The following PTK7 variants were observed in gnomAD, a reference collection of about 807,000 sequenced individuals.
PTK7 encodes the protein protein tyrosine kinase 7 (inactive).
A neutral mutation model predicts 116.6 loss-of-function variants in PTK7; 39 were observed. The observed-to-expected ratio is 0.33, with a 90% CI of 0.26 to 0.44. The LOEUF is 0.44. Ranked by LOEUF, PTK7 falls within the 20% of genes least tolerant of loss-of-function variation. PTK7 has a pLI of 1.00. For synonymous variants in PTK7, 546 were observed against 563.6 expected, an observed-to-expected ratio of 0.97 and a Z score of 0.44; for missense variants, 1,169 against 1,425.6, an observed-to-expected ratio of 0.82 and a Z score of 2.90.
intron 1 of PTK7, among the ~76,000 whole-genome samples, chr6:43,092,038 T>C (rs936812004): frequency 3.3e-5 from 5 of 152,028 alleles, no homozygotes; most frequent in African/African-American, 4.8e-5. Context: ...AATTTTTGTA[T>C]TTTTAGTAGC....
At chr6:43,088,730 T>G (rs914492135) in intron 1 of PTK7, among the ~76,000 whole-genome samples, 2 of 151,084 alleles carry the variant, frequency 1.3e-5, no homozygotes, top group African/African-American at 2.4e-5. Context: ...AATAAATAAA[T>G]AAAGAGTTAT....
chr6:43,116,765 G>A (rs755243901), intron 1 of PTK7, among the ~76,000 whole-genome samples: 7 of 152,074 alleles, frequency 4.6e-5, no homozygotes, highest in Non-Finnish European at 7.4e-5. Context: ...GCTAGGGCTG[G>A]GTGCTGGGGC....
chr6:43,087,991 A>G (rs1032238066), intron 1 of PTK7, among the ~76,000 whole-genome samples: 5 of 152,208 alleles, frequency 3.3e-5, no homozygotes, highest in African/African-American at 1.2e-4. Context: ...GCCTAGCACT[A>G]CAGAGCTGGT....
At chr6:43,147,159 G>T (rs1423331714) in intron 17 of PTK7, among the ~76,000 whole-genome samples, 1 of 152,226 alleles carries the variant, frequency 6.6e-6, no homozygotes, top group Non-Finnish European at 1.5e-5. Context: ...GGGCTGCCTG[G>T]GTTTCCCCCT....
intron 15 of PTK7, chr6:43,144,854 T>TAA: frequency 7.1e-4 from 237 of 334,104 alleles, no homozygotes; most frequent in Middle Eastern, 8.2e-4. Flanking sequence ...ATTGACTCTT[T>TAA]AAAAAAAAAA....
intron 1 of PTK7, among the ~76,000 whole-genome samples, chr6:43,114,063 G>A (rs1303747800): frequency 2.0e-5 from 3 of 151,934 alleles, no homozygotes; most frequent in Non-Finnish European, 4.4e-5. Flanking sequence ...CGGGTGGTGG[G>A]AGGGGGTGGG....
At chr6:43,137,108 A>G (rs1770087747) in intron 7 of PTK7, among the ~76,000 whole-genome samples, 1 of 152,218 alleles carries the variant, frequency 6.6e-6, no homozygotes, top group Non-Finnish European at 1.5e-5. Context: ...TATCATTGCA[A>G]GCAGCCTACC....
chr6:43,076,891 G>C lies in PTK7; in HGVS notation c.79+324G>C. ...GCTGGCTCTCGGGCCCAGATGGGGA[G>C]TTTCTTGTCGGGGGAGAAAAGACCA... On this transcript the variant is annotated intron_variant, in intron 1 of 19. Transcript: ENST00000230419. The surrounding 1 kb of genome is among the most constrained non-coding windows in gnomAD (Gnocchi z 5.7). 6.0e-6 allele frequency: 9 copies of C among 1,507,240 alleles called. No homozygotes were observed. The highest frequency in any genetic ancestry group is 8.0e-6 in the Non-Finnish European group (9 of 1,126,736). 93.4% of individuals were successfully genotyped at this position (1,507,240 alleles called of 1,614,324 possible). A position where few individuals can be genotyped will look rare whatever the true frequency, so the allele number is the denominator to read the frequency against.
chr6:43,124,248 T>G (rs990484288), intron 1 of PTK7, among the ~76,000 whole-genome samples: 7 of 152,346 alleles, frequency 4.6e-5, no homozygotes, highest in African/African-American at 1.7e-4. Context: ...ACCGCCTGCC[T>G]TCTTCTCTGT....
intron 17 of PTK7, among the ~76,000 whole-genome samples, chr6:43,158,142 C>CA (rs1375986681): frequency 1.3e-5 from 2 of 151,558 alleles, no homozygotes; most frequent in African/African-American, 2.4e-5. Flanking sequence ...ACTAAAAATA[C>CA]AAAAAAATTA....
Position 43,145,383 on chromosome 6 carries a change from T to C in PTK7, c.2591T>C (p.Leu864Pro). 1 of 1,609,656 alleles carries C rather than the reference T, an allele frequency of 6.2e-7. No individual in the cohort carries two copies. The highest frequency in any genetic ancestry group is 8.5e-7 in the Non-Finnish European group (1 of 1,178,000). The change falls in exon 16 of 20, where the codon CTG becomes CCG. Residue 864 changes from leucine (L) to proline (P), a missense_variant. By Grantham distance (98) the Leu-to-Pro change is moderately conservative (BLOSUM62 -3). This residue lies in a region of PTK7 where 678 missense variants were observed against 853.8 expected (regional missense o/e 0.79). Coordinates refer to ENST00000230419, the MANE Select transcript of PTK7 (RefSeq NM_002821.5). The surrounding 1 kb of genome is among the most constrained non-coding windows in gnomAD (Gnocchi z 4.8). ...GCCAACGTGGTGCGGCTCCTGGGGC[T>C]GTGCCGGGAGGCTGAGCCCCACTAC... is the stretch of plus-strand genomic sequence containing the variant. Reference protein sequence around the residue: ...NHANVVRLLGLCREAEPHYMV... With the variant: ...NHANVVRLLGPCREAEPHYMV...
Position 43,132,006 on chromosome 6 carries a change from C to G in PTK7, c.813-10C>G. The G allele has an allele frequency of 1.2e-6, 2 of 1,613,876 alleles. No individual in the cohort carries two copies. Among genetic ancestry groups the G allele is most frequent in the Non-Finnish European group, 1.7e-6 (2 of 1,180,004 alleles). On this transcript the variant is annotated splice_polypyrimidine_tract_variant and intron_variant, in intron 5 of 19. Coordinates refer to ENST00000230419, the MANE Select transcript of PTK7 (RefSeq NM_002821.5). The stretch of plus-strand genomic sequence containing the variant: ...GCCACTTTCTCCAAATTGCACTCTC[C>G]CCTCTGCAGCCCCCCACACCTCCGC...
Position 43,132,176 on chromosome 6 carries a change from G to T in PTK7, c.961+12G>T, listed in dbSNP as rs1389533388. The T allele has an allele frequency of 3.8e-6, 6 of 1,598,532 alleles. No homozygotes were observed. In the East Asian group the frequency reaches 1.3e-4, roughly 36 times the overall value. On this transcript the variant is annotated intron_variant, in intron 6 of 19. Transcript: ENST00000230419. The stretch of plus-strand genomic sequence containing the variant: ...ACTTCACCTAGCAGGTGAGTCTCTG[G>T]GTCTGGGGTGCTGATGTGGGAGGCT...
intron 17 of PTK7, among the ~76,000 whole-genome samples, chr6:43,157,342 AT>A (rs1771506427): frequency 4.6e-4 from 2 of 4,310 alleles, no homozygotes; most frequent in African/African-American, 1.7e-3. Context: ...ATATATATAT[AT>A]ATATATATAT....
rs553945791 is a variant in PTK7, at chr6:43,129,927, G to A, written c.470+98G>A. On this transcript the variant is annotated intron_variant, in intron 3 of 19. Coordinates refer to ENST00000230419, the MANE Select transcript of PTK7 (RefSeq NM_002821.5). This position sits in a 1 kb window ranked among gnomAD's most constrained non-coding sequence, Gnocchi z 4.5. ...TGCGGATGTTACCTCGCTCCATTCT[G>A]TGACCACTCGTTCCACCACCACAGT... 1.3e-5 allele frequency: 15 copies of A among 1,172,424 alleles called. No homozygotes were observed. In the South Asian group the frequency reaches 2.1e-4, roughly 16 times the overall value. 72.6% of individuals were successfully genotyped at this position (1,172,424 alleles called of 1,614,324 possible).
intron 1 of PTK7, among the ~76,000 whole-genome samples, chr6:43,104,671 G>T (rs574051641): frequency 6.6e-6 from 1 of 152,006 alleles, no homozygotes; most frequent in African/African-American, 2.4e-5. Context: ...GAAGTGATCC[G>T]CTCACCTCAG....
At chr6:43,095,045 A>AAAT (rs796831092) in intron 1 of PTK7, among the ~76,000 whole-genome samples, 5 of 149,972 alleles carry the variant, frequency 3.3e-5, no homozygotes, top group Non-Finnish European at 5.9e-5. Context: ...CTCTGTCTCA[A>AAAT]AATAATAATA....
In PTK7 at chr6:43,139,180, C is replaced by T. The variant is rs1222316991; in HGVS notation, c.1407C>T (p.Asn469=). ...EVFKNGTLRI[N]SVEVYDGTWY... is the part of the protein sequence containing the mutation. ...TCAAGAATGGGACCTTGCGCATCAA[C>T]AGCGTGGAGGTGTATGATGGGACAT... The change falls in exon 9 of 20, where the codon AAC becomes AAT. Residue 469 remains asparagine, a synonymous_variant. Coordinates refer to ENST00000230419, the MANE Select transcript of PTK7 (RefSeq NM_002821.5). This position sits in a 1 kb window ranked among gnomAD's most constrained non-coding sequence, Gnocchi z 4.6. 6.2e-7 allele frequency: 1 copy of T among 1,614,230 alleles called. No individual in the cohort carries two copies. Among genetic ancestry groups the T allele is most frequent in the South Asian group, 1.1e-5 (1 of 91,090 alleles).
chr6:43,145,127 A>G lies in PTK7; in HGVS notation c.2408-73A>G. 7.2e-7 allele frequency: 1 copy of G among 1,389,532 alleles called. No homozygotes were observed. Among genetic ancestry groups the G allele is most frequent in the Non-Finnish European group, 9.9e-7 (1 of 1,013,924 alleles). 86.1% of individuals were successfully genotyped at this position (1,389,532 alleles called of 1,614,324 possible). ...GTGGGTCCCCACTGTGGGAGAGGCT[A>G]GGCCCCTCCCCCAGGTCAGGAGCTG... On this transcript the variant is annotated intron_variant, in intron 15 of 19. Coordinates refer to ENST00000230419, the MANE Select transcript of PTK7 (RefSeq NM_002821.5). The surrounding 1 kb of genome is among the most constrained non-coding windows in gnomAD (Gnocchi z 4.8).
Sources: gnomAD v4.1 joint callset for allele counts (sites outside exome capture counted in the v4.1 genomes callset) on GRCh38, gnomAD v4.1.1 for gene constraint, gnomAD v4.1.1 regional missense constraint, Gnocchi (gnomAD v3.1) non-coding constraint, MANE v1.5 for transcripts, NCBI Gene and HGNC (gene_info 2026-07-23, HGNC 2026-07-21) for gene names.